The following TENM3 variants were observed in gnomAD, a reference collection of about 807,000 sequenced individuals.
TENM3 encodes teneurin transmembrane protein 3.
TENM3 carries 63 observed loss-of-function variants against 255.1 expected under a neutral mutation model. The ratio of observed to expected loss-of-function variants is 0.25; its 90% CI spans 0.20 to 0.30. TENM3 has a LOEUF of 0.30. TENM3 is among the 10% of genes least tolerant of loss of function. The pLI is 1.00. For missense variants in TENM3, 2,929 were observed against 3,461.1 expected (o/e 0.85, Z 3.86); for synonymous variants, 1,306 against 1,322.3 (o/e 0.99, Z 0.27).
At chr4:182,689,196 C>T (rs1402373260) in intron 12 of TENM3, among the ~76,000 whole-genome samples, 1 of 152,144 alleles carries the variant, frequency 6.6e-6, no homozygotes, top group Non-Finnish European at 1.5e-5. Context: ...ACGGTCCTAC[C>T]AAAATTTCAG....
At chr4:182,242,918 T>A (rs1561234217), upstream of TENM3, among the ~76,000 whole-genome samples, 1 of 152,180 alleles carries the variant, frequency 6.6e-6, no homozygotes, top group Non-Finnish European at 1.5e-5. Context: ...TGATAATGTA[T>A]TAGAAGCGGA....
intron 4 of TENM3, among the ~76,000 whole-genome samples, chr4:182,611,167 G>C (rs185607662): frequency 6.6e-6 from 1 of 151,910 alleles, no homozygotes; most frequent in Admixed American, 6.6e-5. Context: ...TTTTCTTCTA[G>C]TAATGATCTC....
In TENM3 at chr4:182,569,562, A is replaced by G. The variant is rs201443563; in HGVS notation, c.512-31362A>G. Among the ~76,000 whole-genome samples, 869 of 80,506 alleles carry G rather than the reference A, an allele frequency of 0.011. 28 individuals are homozygous for G. The East Asian group carries it at 0.11, about 10-fold the overall frequency. The allele number at this position is 80,506 out of a possible 152,430, so 52.8% of individuals were successfully genotyped here. The stretch of plus-strand genomic sequence containing the variant: ...GAGCAAGACTGTGTCTCAAAAAAAG[A>G]AAAAAAAAAAAAGAAAGAAAGGAAA... On this transcript the variant is annotated intron_variant, in intron 3 of 27. Coordinates refer to ENST00000511685, the MANE Select transcript of TENM3 (RefSeq NM_001080477.4).
At chr4:181,660,504 A>G in the TENM3 span, among the ~76,000 whole-genome samples, 2 of 152,182 alleles carry the variant, frequency 1.3e-5, no homozygotes, top group Non-Finnish European at 2.9e-5. Context: ...GCTGATCATG[A>G]TAGCAATTGG....
the TENM3 span, among the ~76,000 whole-genome samples, chr4:181,631,705 C>G: frequency 6.6e-6 from 1 of 152,188 alleles, no homozygotes; most frequent in Middle Eastern, 3.4e-3. Context: ...TCTGTGAATC[C>G]CTCCACCTTT....
chr4:182,349,096 A>G (rs1421481994), intron 3 of TENM3, among the ~76,000 whole-genome samples: 2 of 152,220 alleles, frequency 1.3e-5, no homozygotes, highest in Non-Finnish European at 2.9e-5. Context: ...ATTTGGCAGC[A>G]TTTGTTGAGA....
the TENM3 span, among the ~76,000 whole-genome samples, chr4:181,721,803 A>G: frequency 2.0e-5 from 3 of 151,922 alleles, no homozygotes; most frequent in African/African-American, 7.3e-5. Flanking sequence ...CAAGAACTAC[A>G]AGACAGCGTG....
At chr4:181,543,979 C>A in the TENM3 span, among the ~76,000 whole-genome samples, 1 of 151,970 alleles carries the variant, frequency 6.6e-6, no homozygotes, top group Non-Finnish European at 1.5e-5. Context: ...TGGGTCCATT[C>A]GCTGAACTGA....
the TENM3 span, among the ~76,000 whole-genome samples, chr4:181,698,444 G>T: frequency 6.6e-6 from 1 of 151,724 alleles, no homozygotes; most frequent in Non-Finnish European, 1.5e-5. Context: ...CACAAACCAT[G>T]CATTTAAAGG....
chr4:182,752,101 C>T, intron 20 of TENM3, 69 bp downstream of exon 20: 4 of 941,040 alleles, frequency 4.3e-6, no homozygotes, highest in Non-Finnish European at 1.6e-6. Flanking sequence ...GGTTGAAAAT[C>T]CATTTAGTGC....
At chr4:181,841,539 T>C in the TENM3 span, among the ~76,000 whole-genome samples, 347 of 152,290 alleles carry the variant, frequency 2.3e-3, no homozygotes, top group South Asian at 8.7e-3. Context: ...GAAATGCAGA[T>C]TTGGTTTTAT....
At chr4:182,225,465 A>G (rs1230866527) in intron 1 of TENM3, among the ~76,000 whole-genome samples, 1 of 152,166 alleles carries the variant, frequency 6.6e-6, no homozygotes, top group Admixed American at 6.5e-5. Context: ...AACAGAGCCT[A>G]TTACCTGGCA....
chr4:181,762,497 C>T, the TENM3 span, among the ~76,000 whole-genome samples: 994 of 152,204 alleles, frequency 6.5e-3, 15 homozygotes, highest in Middle Eastern at 0.034. Context: ...AAGACTCCAT[C>T]ATAGTGGCAG....
At chr4:182,007,020 C>T in the TENM3 span, among the ~76,000 whole-genome samples, 4 of 152,212 alleles carry the variant, frequency 2.6e-5, no homozygotes, top group African/African-American at 7.2e-5. Context: ...TGTTCAATTT[C>T]CATGAAATTG....
At chr4:181,578,902 T>C in the TENM3 span, among the ~76,000 whole-genome samples, 74 of 152,242 alleles carry the variant, frequency 4.9e-4, no homozygotes, top group Admixed American at 1.6e-3. Flanking sequence ...GGGCTAGAAT[T>C]TCAATACAAA....
At chr4:181,741,784 A>G in the TENM3 span, among the ~76,000 whole-genome samples, 31 of 152,298 alleles carry the variant, frequency 2.0e-4, no homozygotes, top group African/African-American at 7.0e-4. Flanking sequence ...TCAAACTAAT[A>G]AAACCAGCTC....
chr4:182,537,085 G>T (rs549804708), intron 3 of TENM3, among the ~76,000 whole-genome samples: 1 of 152,160 alleles, frequency 6.6e-6, no homozygotes, highest in Non-Finnish European at 1.5e-5. Flanking sequence ...AGGATTTCAA[G>T]GAAGTACAGT....
chr4:182,336,760 A>C (rs1764164484), intron 2 of TENM3, among the ~76,000 whole-genome samples: 1 of 151,220 alleles, frequency 6.6e-6, no homozygotes, highest in Non-Finnish European at 1.5e-5. Context: ...TGAAATGTAA[A>C]CCAAAAGTCC....
chr4:182,609,865 C>G (rs555319611), intron 4 of TENM3, among the ~76,000 whole-genome samples: 2 of 152,270 alleles, frequency 1.3e-5, no homozygotes, highest in South Asian at 4.1e-4. Flanking sequence ...GCTTCAGTTT[C>G]TTTGCTTTTT....
Sources: allele counts gnomAD v4.1 joint callset (sites outside exome capture counted in the v4.1 genomes callset), GRCh38; gene constraint gnomAD v4.1.1; transcripts MANE v1.5; gene names NCBI Gene and HGNC (gene_info 2026-07-23, HGNC 2026-07-21).